The following UPP1 variants were observed in gnomAD, a reference collection of about 807,000 sequenced individuals.
UPP1 encodes the protein uridine phosphorylase 1.
A neutral mutation model predicts 29.6 loss-of-function variants in UPP1; 25 were observed. That is an observed-to-expected ratio of 0.85 (90% CI 0.62 to 1.18). The LOEUF (loss-of-function observed/expected upper bound fraction) is 1.18. Among genes scored for constraint, UPP1 ranks in the 50% most tolerant of loss-of-function variants. The probability of loss-of-function intolerance (pLI) is 0.00; values close to 1 mark genes in which losing one functional copy is unlikely to be tolerated. For synonymous variants in UPP1, 165 were observed against 159.8 expected, an observed-to-expected ratio of 1.03 and a Z score of -0.25; for missense variants, 368 against 410.4, an observed-to-expected ratio of 0.90 and a Z score of 0.89.
At chr7:48,094,714 T>C in intron 2 of UPP1, 49 bp from the exon 3 acceptor site, 2 of 1,572,286 alleles carry the variant, frequency 1.3e-6, no homozygotes, top group Non-Finnish European at 1.8e-6. Flanking sequence ...TGCACGATCT[T>C]GGTTTCTACT....
chr7:48,102,634 G>C (rs1424927477), intron 5 of UPP1, among the ~76,000 whole-genome samples: 3 of 152,192 alleles, frequency 2.0e-5, no homozygotes, highest in Non-Finnish European at 4.4e-5. Flanking sequence ...CCTTTCCTGT[G>C]TGTAAGGCTC....
intron 4 of UPP1, among the ~76,000 whole-genome samples, chr7:48,100,022 G>A (rs1424044156): frequency 6.6e-6 from 1 of 152,180 alleles, no homozygotes; most frequent in Non-Finnish European, 1.5e-5. Context: ...ATTTAGTGCA[G>A]TCATGCATTG....
At chr7:48,104,679 CTG>C (rs1792630396) in intron 6 of UPP1, 1 of 152,284 alleles carries the variant, frequency 6.6e-6, no homozygotes, top group East Asian at 1.9e-4. Context: ...TGCATAAAAT[CTG>C]TGTTTGTATG....
chr7:48,107,092 C>T lies in UPP1; in HGVS notation c.646+10C>T, dbSNP rs763527149. 1.8e-5 allele frequency: 29 copies of T among 1,610,418 alleles called. 1 individual carries two copies. Among genetic ancestry groups the T allele is most frequent in the South Asian group, 1.1e-4 (10 of 90,946 alleles). ...TTGGACTTCTATGAAGGTGAGGCAG[C>T]GGATACGAGGAGGCATCTTTCAGCC... is the stretch of plus-strand genomic sequence containing the variant. On this transcript the variant is annotated intron_variant, in intron 7 of 8. Coordinates refer to ENST00000395564, the MANE Select transcript of UPP1 (RefSeq NM_003364.4).
chr7:48,103,400 C>G lies in UPP1; in HGVS notation c.425C>G (p.Ser142Cys), dbSNP rs1316022027. 2 of 1,613,834 alleles carry G rather than the reference C, an allele frequency of 1.2e-6. No homozygotes were observed. The highest frequency in any genetic ancestry group is 1.7e-5 in the Admixed American group (1 of 60,008). ...GTCACTATCATCCGCATTGGCACTT[C>G]TGGTGGGATAGGTAAGGTCTGCAGA... ...SNVTIIRIGT[S>C]GGIGLEPGTV... is the part of the protein sequence containing the mutation. The change falls in exon 6 of 9, where the codon TCT becomes TGT. Residue 142 changes from serine to cysteine, a missense_variant. Physicochemically the swap from Ser to Cys is moderately radical, Grantham distance 112. Coordinates refer to ENST00000395564, the MANE Select transcript of UPP1 (RefSeq NM_003364.4).
At position 48,092,229 on chromosome 7, in the gene UPP1, C is replaced by T. The variant is rs541557390; in HGVS notation, c.-22+1865C>T. On this transcript the variant is annotated intron_variant, in intron 2 of 8. Coordinates refer to ENST00000395564, the MANE Select transcript of UPP1 (RefSeq NM_003364.4). Reference sequence around the variant, plus strand: ...ACATTCTTCAGAGGAGCCACTCTTACGGGGGAATGTTCCTGCCCCACAGAA... The same window carrying T: ...ACATTCTTCAGAGGAGCCACTCTTATGGGGGAATGTTCCTGCCCCACAGAA... Among the ~76,000 whole-genome samples the T allele has an allele frequency of 5.3e-5, 8 of 152,268 alleles. No homozygotes were observed. In the East Asian group the frequency reaches 5.8e-4, roughly 11 times the overall value.
rs767889468 is a variant in UPP1, at chr7:48,103,381, A to G, written c.406A>G (p.Ile136Val). 4.0e-5 allele frequency: 65 copies of G among 1,613,832 alleles called. 1 individual carries two copies. Among genetic ancestry groups the G allele is most frequent in the Non-Finnish European group, 3.5e-5 (41 of 1,179,884 alleles). The change falls in exon 6 of 9, where the codon ATC (isoleucine) becomes GTC (valine). Residue 136 changes from isoleucine (I) to valine (V), a missense_variant. Ile to Val is a conservative substitution (Grantham distance 29). Transcript: ENST00000395564. ...LYYARCSNVT[I>V]IRIGTSGGIG... is the part of the protein sequence containing the mutation. ...CTATGCCCGGTGCTCCAACGTCACT[A>G]TCATCCGCATTGGCACTTCTGGTGG...
intron 3 of UPP1, 123 bp from the exon 4 acceptor site, chr7:48,099,547 C>A (rs780413418): frequency 2.5e-5 from 17 of 686,578 alleles, no homozygotes; most frequent in Middle Eastern, 2.6e-4. Flanking sequence ...GTCTTATCTC[C>A]GGGATCTGGC....
chr7:48,107,834 C>G (rs1290961452), intron 8 of UPP1, among the ~76,000 whole-genome samples: 1 of 152,196 alleles, frequency 6.6e-6, no homozygotes, highest in Non-Finnish European at 1.5e-5. Context: ...TGTGGTTCAT[C>G]TACCCTCAAG....
chr7:48,095,895 C>A (rs1006637974), intron 3 of UPP1, among the ~76,000 whole-genome samples: 1 of 152,232 alleles, frequency 6.6e-6, no homozygotes. Context: ...GATCCACCCG[C>A]CTCAGTCTCC....
intron 2 of UPP1, among the ~76,000 whole-genome samples, chr7:48,093,750 A>G (rs1167418419): frequency 6.6e-6 from 1 of 152,200 alleles, no homozygotes; most frequent in East Asian, 1.9e-4. Flanking sequence ...GGTCAGCCTC[A>G]GTCCCTCTCC....
Position 48,103,353 on chromosome 7 carries a change from G to A in UPP1, c.378G>A (p.Leu126=). Residue 126 remains leucine (L), a synonymous_variant, in exon 6 of 9, where the codon CTG becomes CTA. Coordinates refer to ENST00000395564, the MANE Select transcript of UPP1 (RefSeq NM_003364.4). The part of the protein sequence containing the change: ...SIMLHELIKL[L]YYARCSNVTI... The stretch of plus-strand genomic sequence containing the variant: ...TGTTGCATGAGCTCATAAAGCTGCT[G>A]TACTATGCCCGGTGCTCCAACGTCA... 6.2e-7 allele frequency: 1 copy of A among 1,614,046 alleles called. No homozygotes were observed. Among genetic ancestry groups the A allele is most frequent in the East Asian group, 2.2e-5 (1 of 44,858 alleles).
intron 6 of UPP1, among the ~76,000 whole-genome samples, chr7:48,104,294 A>G (rs1039039902): frequency 2.6e-5 from 4 of 152,252 alleles, no homozygotes; most frequent in Non-Finnish European, 1.5e-5. Flanking sequence ...ATGAGAAAGC[A>G]AAAGCTAACA....
At chr7:48,098,858 C>T (rs1293513721) in intron 3 of UPP1, among the ~76,000 whole-genome samples, 1 of 152,172 alleles carries the variant, frequency 6.6e-6, no homozygotes, top group Non-Finnish European at 1.5e-5. Context: ...GAGGCTGGCT[C>T]TAAGGGACTT....
Position 48,101,930 on chromosome 7 carries a change from C to T in UPP1, c.269C>T (p.Ala90Val), listed in dbSNP as rs757264964. Residue 90 changes from alanine (A) to valine (V), a missense_variant, in exon 5 of 9, where the codon GCG (alanine) becomes GTG (valine). Transcript: ENST00000395564. ...CPGRDYPNIC[A>V]GTDRYAMYKV... ...GGTAGAGACTATCCCAACATCTGTG[C>T]GGGAACTGACCGCTATGCCATGTAT... The T allele has an allele frequency of 2.7e-5, 43 of 1,613,862 alleles. No homozygotes were observed. The Admixed American group carries it at 3.5e-4, about 13-fold the overall frequency.
intron 6 of UPP1, chr7:48,105,644 C>G (rs1393456051): frequency 2.0e-5 from 3 of 152,384 alleles, no homozygotes; most frequent in Non-Finnish European, 2.9e-5. Flanking sequence ...AGTCCAAGGT[C>G]AAGGAGTCAG....
chr7:48,103,090 T>G (rs1293466133), intron 5 of UPP1, among the ~76,000 whole-genome samples: 3 of 152,192 alleles, frequency 2.0e-5, no homozygotes, highest in Non-Finnish European at 4.4e-5. Context: ...ATTGTGTCGA[T>G]CAAATGGGGT....
intron 4 of UPP1, among the ~76,000 whole-genome samples, chr7:48,101,053 C>T (rs576812895): frequency 6.6e-6 from 1 of 151,932 alleles, no homozygotes; most frequent in Non-Finnish European, 1.5e-5. Flanking sequence ...ATTGTAGGCA[C>T]CTGCCACCAT....
chr7:48,094,643 A>T, intron 2 of UPP1, 120 bp from the exon 3 acceptor site: 2 of 767,886 alleles, frequency 2.6e-6, no homozygotes, highest in Non-Finnish European at 4.4e-6. Flanking sequence ...TCACACACTT[A>T]CATCAGGTGT....
Sources: gnomAD v4.1 joint callset for allele counts (sites outside exome capture counted in the v4.1 genomes callset) on GRCh38, gnomAD v4.1.1 for gene constraint, MANE v1.5 for transcripts, NCBI Gene and HGNC (gene_info 2026-07-23, HGNC 2026-07-21) for gene names.